EDEM3: variants seen among roughly 807,000 people sequenced by gnomAD.
EDEM3 encodes ER degradation enhancing alpha-mannosidase like protein 3, also known as ER degradation-enhancing alpha-mannosidase-like protein 3.
A neutral mutation model predicts 110.2 loss-of-function variants in EDEM3; 60 were observed. That is an observed-to-expected ratio of 0.54 (90% CI 0.44 to 0.67). The LOEUF is 0.67. Among genes scored for constraint, EDEM3 ranks in the 30% least tolerant of loss-of-function variants. The pLI, the probability that EDEM3 is intolerant of heterozygous loss-of-function variation, is 0.00. For missense variants in EDEM3, 996 were observed against 1,121.0 expected (o/e 0.89, Z 1.59); for synonymous variants, 352 against 382.9 (o/e 0.92, Z 0.94).
At chr1:184,753,218 T>TA (rs1224270956) in intron 1 of EDEM3, among the ~76,000 whole-genome samples, 1 of 151,778 alleles carries the variant, frequency 6.6e-6, no homozygotes, top group Non-Finnish European at 1.5e-5. Flanking sequence ...TTTTCTTTTT[T>TA]AAAAAAAACA....
At position 184,754,106 on chromosome 1, in the gene EDEM3, G is replaced by A. The variant is rs184535093; in HGVS notation, c.158+383C>T. Among the ~76,000 whole-genome samples, 184 of 152,328 alleles carry A rather than the reference G, an allele frequency of 1.2e-3. 1 individual carries two copies. The highest frequency in any genetic ancestry group is 3.9e-3 in the African/African-American group (164 of 41,568). The stretch of plus-strand genomic sequence containing the variant: ...TGAGATCAGCAACATTTTCCCAGTT[G>A]GAAGCTCACTTGCGCGAGAAAGCTA... On this transcript the variant is annotated intron_variant, in intron 1 of 19. Transcript: ENST00000318130.
intron 4 of EDEM3, among the ~76,000 whole-genome samples, chr1:184,736,387 T>C (rs187403653): frequency 9.7e-4 from 148 of 152,300 alleles, no homozygotes; most frequent in African/African-American, 3.2e-3. Context: ...TAACTGGAAG[T>C]TGAGAATTAT....
Position 184,745,352 on chromosome 1 carries a change from C to A in EDEM3, c.204+4195G>T, listed in dbSNP as rs555198956. 2.0e-3 allele frequency among the ~76,000 whole-genome samples: 311 copies of A among 152,162 alleles called. 1 individual carries two copies. Among genetic ancestry groups the A allele is most frequent in the African/African-American group, 7.1e-3 (295 of 41,528 alleles). On this transcript the variant is annotated intron_variant, in intron 2 of 19. Coordinates refer to ENST00000318130, the MANE Select transcript of EDEM3 (RefSeq NM_025191.4). Reference sequence around the variant, plus strand: ...AAAAGGTAAATATAAATTTATATCTCCCTTACTCCCATTAGTACCATGCCT... The same window carrying A: ...AAAAGGTAAATATAAATTTATATCTACCTTACTCCCATTAGTACCATGCCT...
At chr1:184,704,486 A>G (rs1649800021) in intron 18 of EDEM3, among the ~76,000 whole-genome samples, 1 of 151,224 alleles carries the variant, frequency 6.6e-6, no homozygotes, top group African/African-American at 2.4e-5. Flanking sequence ...CCCCTTCTCT[A>G]CTAAAAATAC....
chr1:184,736,893 A>G, intron 4 of EDEM3, 132 bp downstream of exon 4: 1 of 707,854 alleles, frequency 1.4e-6, no homozygotes, highest in Non-Finnish European at 2.4e-6. Flanking sequence ...TAAAAGATTT[A>G]TTTAGAAGCA....
chr1:184,706,420 A>C (rs1558044754), intron 18 of EDEM3, among the ~76,000 whole-genome samples: 1 of 152,164 alleles, frequency 6.6e-6, no homozygotes, highest in Non-Finnish European at 1.5e-5. Context: ...CCTAAACCCA[A>C]GTATTTTCAC....
At position 184,719,684 on chromosome 1, in the gene EDEM3, A is replaced by G. The variant is rs1357748719; in HGVS notation, c.952-116T>C. On this transcript the variant is annotated intron_variant, in intron 9 of 19. Transcript: ENST00000318130. ...TAGAATTTATATATAAATTCACTAA[A>G]TAACTACCAATTTATATAAATATTT... 7 of 953,998 alleles carry G rather than the reference A, an allele frequency of 7.3e-6. No homozygotes were observed. The Admixed American group carries it at 1.0e-4, about 14-fold the overall frequency. 59.1% of individuals were successfully genotyped at this position (953,998 alleles called of 1,614,324 possible). A position where few individuals can be genotyped will look rare whatever the true frequency, so the allele number is the denominator to read the frequency against.
chr1:184,715,983 C>T (rs2102079749), intron 13 of EDEM3, among the ~76,000 whole-genome samples: 1 of 152,266 alleles, frequency 6.6e-6, no homozygotes, highest in South Asian at 2.1e-4. Flanking sequence ...TTCAGTCTCA[C>T]TGCCTGGAAC....
In EDEM3 at chr1:184,726,024, C is replaced by T. The variant is rs191217753; in HGVS notation, c.747+231G>A. On this transcript the variant is annotated intron_variant, in intron 7 of 19. Coordinates refer to ENST00000318130, the MANE Select transcript of EDEM3 (RefSeq NM_025191.4). Reference sequence around the variant, plus strand: ...GCTAAAAAAATTTCTAAGACTAAACCTAAACATATACTTCATAGTTGGTGA... The same window carrying T: ...GCTAAAAAAATTTCTAAGACTAAACTTAAACATATACTTCATAGTTGGTGA... Among the ~76,000 whole-genome samples the T allele has an allele frequency of 5.9e-5, 9 of 152,116 alleles. No homozygotes were observed. In the East Asian group the frequency reaches 1.6e-3, roughly 26 times the overall value.
rs1650611440 is a variant in EDEM3 at position 184,717,413 on chromosome 1, C to T, written c.1245+127G>A. 3 of 672,130 alleles carry T rather than the reference C, an allele frequency of 4.5e-6. No individual in the cohort carries two copies. In the East Asian group the frequency reaches 9.6e-5, roughly 22 times the overall value. The allele number at this position is 672,130 out of a possible 1,614,324, so 41.6% of individuals were successfully genotyped here. ...TTCTATGGACTAGATGAATAAGAAT[C>T]ATGATATATCCAATCATTATAATAT... On this transcript the variant is annotated intron_variant, in intron 12 of 19. Coordinates refer to ENST00000318130, the MANE Select transcript of EDEM3 (RefSeq NM_025191.4).
chr1:184,710,599 C>A, intron 15 of EDEM3, 52 bp from the exon 16 acceptor site: 1 of 1,509,496 alleles, frequency 6.6e-7, no homozygotes, highest in Non-Finnish European at 8.9e-7. Context: ...TTAGAATTGG[C>A]AAAAAACACA....
At chr1:184,753,127 G>T (rs1377980362) in intron 1 of EDEM3, among the ~76,000 whole-genome samples, 1 of 151,912 alleles carries the variant, frequency 6.6e-6, no homozygotes, top group East Asian at 1.9e-4. Context: ...CATAAAGTAA[G>T]ACCTGATGGT....
At chr1:184,701,855 C>A (rs1362171438) in intron 19 of EDEM3, among the ~76,000 whole-genome samples, 1 of 151,942 alleles carries the variant, frequency 6.6e-6, no homozygotes, top group East Asian at 1.9e-4. Flanking sequence ...TACAAGAAGA[C>A]AAAATTAGGC....
chr1:184,747,020 C>CAAAAAAAAAAA (rs34429442), intron 2 of EDEM3, among the ~76,000 whole-genome samples: 1 of 132,922 alleles, frequency 7.5e-6, no homozygotes. Flanking sequence ...TGATCAAATG[C>CAAAAAAAAAAA]AAAAAAAAAA....
intron 19 of EDEM3, among the ~76,000 whole-genome samples, chr1:184,701,831 G>A (rs1326122522): frequency 6.6e-6 from 1 of 151,974 alleles, no homozygotes; most frequent in African/African-American, 2.4e-5. Flanking sequence ...GAATCTCAAA[G>A]AAGAATAAAG....
intron 12 of EDEM3, 76 bp from the exon 13 acceptor site, chr1:184,717,088 T>G: frequency 8.0e-7 from 1 of 1,244,410 alleles, no homozygotes; most frequent in Middle Eastern, 2.8e-4. Flanking sequence ...ACCAAATATT[T>G]ATTGAGTACC....
intron 13 of EDEM3, among the ~76,000 whole-genome samples, chr1:184,716,210 T>G (rs1342893845): frequency 6.6e-6 from 1 of 152,136 alleles, no homozygotes; most frequent in Non-Finnish European, 1.5e-5. Flanking sequence ...CCTCAAAAAC[T>G]AGTAAGAGCC....
chr1:184,750,438 T>C (rs1463484920), intron 1 of EDEM3, among the ~76,000 whole-genome samples: 1 of 152,132 alleles, frequency 6.6e-6, no homozygotes, highest in Non-Finnish European at 1.5e-5. Flanking sequence ...CAGGAAAAAG[T>C]ACAAGTTAAT....
intron 19 of EDEM3, among the ~76,000 whole-genome samples, chr1:184,700,655 C>T (rs1649565077): frequency 6.6e-6 from 1 of 151,822 alleles, no homozygotes; most frequent in Non-Finnish European, 1.5e-5. Context: ...ACTCAGAAGC[C>T]AACACTTCTA....
Sources: allele counts gnomAD v4.1 joint callset (sites outside exome capture counted in the v4.1 genomes callset), GRCh38; gene constraint gnomAD v4.1.1; transcripts MANE v1.5; gene names NCBI Gene and HGNC (gene_info 2026-07-23, HGNC 2026-07-21).